Variants in GAS7 observed in about 807,000 individuals in gnomAD.
GAS7 encodes growth arrest-specific protein 7.
Under a neutral mutation model 71.1 loss-of-function variants are expected in GAS7, and 28 were observed. The ratio of observed to expected loss-of-function variants is 0.39; its 90% CI spans 0.29 to 0.54. The LOEUF (loss-of-function observed/expected upper bound fraction) is 0.54, where lower values mean the gene tolerates loss of function less well. Ranked by LOEUF, GAS7 falls within the 20% of genes least tolerant of loss-of-function variation. The probability of loss-of-function intolerance (pLI) is 0.62; values close to 1 mark genes in which losing one functional copy is unlikely to be tolerated. For synonymous variants in GAS7, 258 were observed against 245.8 expected (o/e 1.05, Z -0.46); for missense variants, 436 against 627.8 (o/e 0.69, Z 3.27).
At chr17:10,142,156 C>A (rs2074087798) in intron 1 of GAS7, among the ~76,000 whole-genome samples, 1 of 149,020 alleles carries the variant, frequency 6.7e-6, no homozygotes, top group Admixed American at 6.8e-5. Flanking sequence ...GCGGAGCTTG[C>A]AGTGAGCCGA....
At chr17:10,010,413 A>T (rs1444029857) in intron 2 of GAS7, among the ~76,000 whole-genome samples, 1 of 152,022 alleles carries the variant, frequency 6.6e-6, no homozygotes, top group Admixed American at 6.6e-5. Flanking sequence ...CAGCCTCCCA[A>T]AGTGCTGGGT....
At chr17:9,951,773 A>C (rs1419621970) in intron 5 of GAS7, among the ~76,000 whole-genome samples, 1 of 150,966 alleles carries the variant, frequency 6.6e-6, no homozygotes, top group East Asian at 1.9e-4. Context: ...AAAAAAAAAA[A>C]AAAAAAAAAA....
At position 10,198,387 on chromosome 17, in the gene GAS7, A is replaced by C. The variant is rs2074556816; in HGVS notation, c.4T>G (p.Ser2Ala). M[S>A]GARCRTLYPF... Reference sequence around the variant, plus strand: ...TACAGGGTCCGGCAGCGAGCGCCGGACATGGCCTTGGCGCCCGGGTTCACA... The same window carrying C: ...TACAGGGTCCGGCAGCGAGCGCCGGCCATGGCCTTGGCGCCCGGGTTCACA... Residue 2 changes from serine to alanine, a missense_variant, in exon 1 of 14, where the codon TCC (serine) becomes GCC (alanine). Physicochemically the swap from Ser to Ala is moderately conservative, Grantham distance 99. Coordinates refer to ENST00000432992, the MANE Select transcript of GAS7 (RefSeq NM_201433.2). 7 of 1,579,930 alleles carry C rather than the reference A, an allele frequency of 4.4e-6. No homozygotes were observed. Among genetic ancestry groups the C allele is most frequent in the Non-Finnish European group, 6.0e-6 (7 of 1,171,618 alleles).
chr17:10,052,106 C>T (rs1207889585), intron 1 of GAS7, among the ~76,000 whole-genome samples: 1 of 152,056 alleles, frequency 6.6e-6, no homozygotes, highest in Non-Finnish European at 1.5e-5. Context: ...CCCACACTGT[C>T]CCCCGATTCC....
intron 8 of GAS7, among the ~76,000 whole-genome samples, chr17:9,934,949 C>T (rs181808752): frequency 1.5e-4 from 23 of 152,178 alleles, no homozygotes; most frequent in Admixed American, 1.0e-3. Context: ...TTGGCCAGGC[C>T]GGTCTCGAAC....
intron 2 of GAS7, among the ~76,000 whole-genome samples, chr17:9,986,781 C>A (rs2070666651): frequency 6.6e-6 from 1 of 152,216 alleles, no homozygotes; most frequent in African/African-American, 2.4e-5. Context: ...AGGGACGATG[C>A]AGCTGCCTGA....
chr17:10,038,070 A>T (rs931166816), intron 1 of GAS7, among the ~76,000 whole-genome samples: 1 of 151,822 alleles, frequency 6.6e-6, no homozygotes, highest in Non-Finnish European at 1.5e-5. Context: ...AAAAAAAACC[A>T]GACAAGGCCA....
intron 1 of GAS7, among the ~76,000 whole-genome samples, chr17:10,159,803 T>TTTTA (rs2074237445): frequency 2.0e-5 from 3 of 151,190 alleles, no homozygotes; most frequent in Admixed American, 6.6e-5. Context: ...TTTTTTTTTT[T>TTTTA]GAGACAGTGT....
chr17:10,160,010 C>A, intron 1 of GAS7, among the ~76,000 whole-genome samples: 1 of 152,048 alleles, frequency 6.6e-6, no homozygotes, highest in Admixed American at 6.6e-5. Flanking sequence ...AACTCCTGAG[C>A]TCAAGTAATC....
At chr17:10,138,919 T>C (rs2074060732) in intron 1 of GAS7, among the ~76,000 whole-genome samples, 1 of 152,242 alleles carries the variant, frequency 6.6e-6, no homozygotes, top group Non-Finnish European at 1.5e-5. Context: ...TTAATCATAT[T>C]AATATTTCAA....
rs938487800 is a variant in GAS7, at chr17:9,926,348, C to T, written c.1014+293G>A. Among the ~76,000 whole-genome samples the T allele has an allele frequency of 6.6e-5, 10 of 152,122 alleles. No homozygotes were observed. Among genetic ancestry groups the T allele is most frequent in the Admixed American group, 4.6e-4 (7 of 15,276 alleles). ...GAACCAGCAGCAGCACTGCTAGGCTCGGGGTTTAACTGGTCGCCAACAGCC... is the reference window on the plus strand; with the variant it reads ...GAACCAGCAGCAGCACTGCTAGGCTTGGGGTTTAACTGGTCGCCAACAGCC... On this transcript the variant is annotated intron_variant, in intron 10 of 13. Transcript: ENST00000432992. This position sits in a 1 kb window ranked among gnomAD's most constrained non-coding sequence, Gnocchi z 5.0.
intron 2 of GAS7, among the ~76,000 whole-genome samples, chr17:9,990,728 T>C (rs558888432): frequency 6.6e-6 from 1 of 152,078 alleles, no homozygotes; most frequent in Non-Finnish European, 1.5e-5. Context: ...AAATAGAAGA[T>C]GAGTTCAGAG....
intron 1 of GAS7, among the ~76,000 whole-genome samples, chr17:10,092,925 A>T (rs1293467365): frequency 6.6e-6 from 1 of 152,178 alleles, no homozygotes; most frequent in African/African-American, 2.4e-5. Context: ...CCACCCAGAT[A>T]ATCCAAAATA....
In GAS7 at chr17:9,974,954, G is replaced by T. The variant is rs568647512; in HGVS notation, c.386-5192C>A. On this transcript the variant is annotated intron_variant, in intron 3 of 13. Coordinates refer to ENST00000432992, the MANE Select transcript of GAS7 (RefSeq NM_201433.2). This position sits in a 1 kb window ranked among gnomAD's most constrained non-coding sequence, Gnocchi z 4.0. ...TTCCTGTTCCCTGAGGAACCCAAAA[G>T]AACATAAGAAAATCAGCCATGAACA... Among the ~76,000 whole-genome samples the T allele has an allele frequency of 6.6e-6, 1 of 152,142 alleles. No homozygotes were observed. The highest frequency in any genetic ancestry group is 6.5e-5 in the Admixed American group (1 of 15,276).
At chr17:10,175,658 C>A (rs1164326941) in intron 1 of GAS7, among the ~76,000 whole-genome samples, 1 of 152,080 alleles carries the variant, frequency 6.6e-6, no homozygotes, top group Non-Finnish European at 1.5e-5. Context: ...GTCAAAAATT[C>A]TTTTTCTTTT....
rs1479733995 is a variant in GAS7, at chr17:9,912,350, C to T, written c.*4878G>A. ...AAAGGGAGGAGGTACATGCAGTTGC[C>T]GGTGGCCTGAGACACTCATCTAGAA... is the stretch of plus-strand genomic sequence containing the variant. On this transcript the variant is annotated 3_prime_UTR_variant, in exon 14 of 14. Transcript: ENST00000432992. 2.6e-5 allele frequency: 6 copies of T among 232,756 alleles called. No homozygotes were observed. The highest frequency in any genetic ancestry group is 8.8e-5 in the African/African-American group (4 of 45,290). 14.4% of individuals were successfully genotyped at this position (232,756 alleles called of 1,614,324 possible). A position where few individuals can be genotyped will look rare whatever the true frequency, so the allele number is the denominator to read the frequency against.
chr17:10,198,131 C>G (rs1459325910), intron 1 of GAS7, 77 bp downstream of exon 1: 2 of 1,434,630 alleles, frequency 1.4e-6, no homozygotes, highest in Admixed American at 1.8e-5. Context: ...TGCGGCATCC[C>G]CGGAACGGGC....
At chr17:10,073,767 A>G (rs1267898117) in intron 1 of GAS7, among the ~76,000 whole-genome samples, 1 of 152,214 alleles carries the variant, frequency 6.6e-6, no homozygotes, top group Non-Finnish European at 1.5e-5. Context: ...ATTTCGAGAC[A>G]GTTTCAGTCG....
At chr17:10,141,959 T>C (rs1048752513) in intron 1 of GAS7, among the ~76,000 whole-genome samples, 4 of 144,634 alleles carry the variant, frequency 2.8e-5, no homozygotes, top group Admixed American at 1.4e-4. Flanking sequence ...CCGGGCGCAA[T>C]GGCTCACGCC....
Sources: gnomAD v4.1 joint callset for allele counts (sites outside exome capture counted in the v4.1 genomes callset) on GRCh38, gnomAD v4.1.1 for gene constraint, Gnocchi (gnomAD v3.1) non-coding constraint, MANE v1.5 for transcripts, NCBI Gene and HGNC (gene_info 2026-07-23, HGNC 2026-07-21) for gene names.